RPS6KC1: variants seen among roughly 807,000 people sequenced by gnomAD.
RPS6KC1 encodes the protein inactive ribosomal protein S6 kinase delta-1.
Under a neutral mutation model 103.8 loss-of-function variants are expected in RPS6KC1, and 54 were observed. The ratio of observed to expected loss-of-function variants is 0.52; its 90% CI spans 0.42 to 0.65. The LOEUF is 0.65. Ranked by LOEUF, RPS6KC1 falls within the 30% of genes least tolerant of loss-of-function variation. RPS6KC1 has a pLI of 0.00. For synonymous variants in RPS6KC1, 439 were observed against 438.7 expected (o/e 1.00, Z -0.01); for missense variants, 1,151 against 1,253.8 (o/e 0.92, Z 1.24).
At chr1:213,237,458 T>C (rs1372435687) in intron 10 of RPS6KC1, among the ~76,000 whole-genome samples, 1 of 152,110 alleles carries the variant, frequency 6.6e-6, no homozygotes, top group African/African-American at 2.4e-5. Context: ...CTATTATTAA[T>C]TGATATTTAA....
At chr1:213,454,251 G>A in the RPS6KC1 span, among the ~76,000 whole-genome samples, 1 of 152,060 alleles carries the variant, frequency 6.6e-6, no homozygotes, top group African/African-American at 2.4e-5. Context: ...AACAAACAAG[G>A]ACACGTGAAA....
At chr1:213,412,183 C>G in the RPS6KC1 span, among the ~76,000 whole-genome samples, 2 of 152,198 alleles carry the variant, frequency 1.3e-5, no homozygotes, top group Non-Finnish European at 2.9e-5. Context: ...ATGTACTTGA[C>G]AGGCCATGGT....
chr1:213,549,579 TTTCTTCTTC>T, the RPS6KC1 span, among the ~76,000 whole-genome samples: 155 of 150,418 alleles, frequency 1.0e-3, no homozygotes, highest in Non-Finnish European at 1.8e-3. Context: ...TTTCTTTTCT[TTTCTTCTTC>T]TTCTTCTTCT....
chr1:213,145,481 A>G (rs2147810245), intron 6 of RPS6KC1, among the ~76,000 whole-genome samples: 1 of 152,248 alleles, frequency 6.6e-6, no homozygotes, highest in Admixed American at 6.6e-5. Context: ...ATATACACAG[A>G]GTACTCATTA....
intron 3 of RPS6KC1, among the ~76,000 whole-genome samples, chr1:213,093,524 T>C (rs2081180073): frequency 6.6e-6 from 1 of 152,094 alleles, no homozygotes; most frequent in Non-Finnish European, 1.5e-5. Flanking sequence ...ATCTACCTTT[T>C]TATAGGTCCT....
chr1:213,406,933 T>C, the RPS6KC1 span, among the ~76,000 whole-genome samples: 309 of 152,230 alleles, frequency 2.0e-3, 3 homozygotes, highest in Non-Finnish European at 1.1e-3. Context: ...CTTCCCAAAG[T>C]CACATAGGGC....
At chr1:213,649,476 C>T in the RPS6KC1 span, among the ~76,000 whole-genome samples, 39 of 152,202 alleles carry the variant, frequency 2.6e-4, no homozygotes, top group African/African-American at 7.9e-4. Flanking sequence ...TTCTCAGAAG[C>T]GGCTGTGCAG....
At chr1:213,494,725 C>A in the RPS6KC1 span, among the ~76,000 whole-genome samples, 1 of 151,650 alleles carries the variant, frequency 6.6e-6, no homozygotes, top group Non-Finnish European at 1.5e-5. Flanking sequence ...AAGTAGAGGA[C>A]AGAATAAATG....
At chr1:213,296,904 C>T in the RPS6KC1 span, among the ~76,000 whole-genome samples, 2 of 152,126 alleles carry the variant, frequency 1.3e-5, no homozygotes, top group Non-Finnish European at 2.9e-5. Flanking sequence ...AAGGAAGTCA[C>T]TAGTGTGATG....
intron 6 of RPS6KC1, among the ~76,000 whole-genome samples, chr1:213,166,125 T>G (rs977104413): frequency 1.4e-5 from 2 of 145,110 alleles, no homozygotes; most frequent in Non-Finnish European, 3.0e-5. Context: ...ATTTGGTGAG[T>G]TTTTTTTTTT....
At chr1:213,107,790 A>G (rs2082638272) in intron 4 of RPS6KC1, among the ~76,000 whole-genome samples, 1 of 152,214 alleles carries the variant, frequency 6.6e-6, no homozygotes, top group East Asian at 1.9e-4. Flanking sequence ...AACCTCACCA[A>G]CACTTGGTAT....
chr1:213,414,328 C>T, the RPS6KC1 span, among the ~76,000 whole-genome samples: 1 of 152,082 alleles, frequency 6.6e-6, no homozygotes, highest in Non-Finnish European at 1.5e-5. Flanking sequence ...GCACATGTGA[C>T]CTTATTTGGA....
At chr1:213,766,814 C>T in the RPS6KC1 span, among the ~76,000 whole-genome samples, 1 of 152,046 alleles carries the variant, frequency 6.6e-6, no homozygotes, top group Non-Finnish European at 1.5e-5. Context: ...TTGGACCTCC[C>T]CTTTGCTTTC....
chr1:213,536,326 T>A, the RPS6KC1 span, among the ~76,000 whole-genome samples: 1 of 152,200 alleles, frequency 6.6e-6, no homozygotes, highest in Admixed American at 6.5e-5. Flanking sequence ...GGGGGCTCAG[T>A]GTTATTCTAG....
At chr1:213,331,741 G>C in the RPS6KC1 span, among the ~76,000 whole-genome samples, 1 of 152,178 alleles carries the variant, frequency 6.6e-6, no homozygotes, top group Admixed American at 6.5e-5. Context: ...GTAAAACAGA[G>C]GTGAAGAGGC....
At chr1:213,324,975 G>A in the RPS6KC1 span, among the ~76,000 whole-genome samples, 2 of 152,060 alleles carry the variant, frequency 1.3e-5, no homozygotes, top group South Asian at 4.2e-4. Context: ...CCTCATTATC[G>A]CTCTCCAAGG....
At chr1:213,312,166 G>A in the RPS6KC1 span, among the ~76,000 whole-genome samples, 2 of 152,080 alleles carry the variant, frequency 1.3e-5, no homozygotes, top group East Asian at 3.9e-4. Flanking sequence ...AAAGTGCTGG[G>A]ATTACAGGAG....
rs141240814 is a variant in RPS6KC1 at position 213,129,664 on chromosome 1, C to G, written c.610C>G (p.Leu204Val). 2.5e-4 allele frequency: 410 copies of G among 1,614,044 alleles called. 1 individual carries two copies. The African/African-American group carries it at 5.0e-3, about 20-fold the overall frequency. The change falls in exon 6 of 15, where the codon CTA becomes GTA. Residue 204 changes from leucine (L) to valine (V), a missense_variant. Transcript: ENST00000366960. The stretch of plus-strand genomic sequence containing the variant: ...CAATCTTTCTTCGGATTCTTCAGCA[C>G]TAGGGGCTGTTGCTTCTGACAGTGA... ...GLNLSSDSSALGAVASDSEQS... is the reference protein window; with the variant it reads ...GLNLSSDSSAVGAVASDSEQS...
the RPS6KC1 span, among the ~76,000 whole-genome samples, chr1:213,795,728 A>G: frequency 1.3e-5 from 2 of 152,084 alleles, no homozygotes; most frequent in Admixed American, 6.6e-5. Context: ...CCAAACGTCC[A>G]CCATGAAAAT....
Sources: allele counts gnomAD v4.1 joint callset (sites outside exome capture counted in the v4.1 genomes callset), GRCh38; gene constraint gnomAD v4.1.1; transcripts MANE v1.5; gene names NCBI Gene and HGNC (gene_info 2026-07-23, HGNC 2026-07-21).